Variants in DEFB126 observed in about 807,000 individuals in gnomAD.
DEFB126 encodes the protein beta-defensin 126.
Under a neutral mutation model 2.5 loss-of-function variants are expected in DEFB126, and 2 were observed. The ratio of observed to expected loss-of-function variants is 0.79; its 90% CI spans 0.32 to 2.49. The LOEUF is 2.49. Ranked by LOEUF, DEFB126 falls within the 30% of genes most tolerant of loss-of-function variation. The pLI is 0.11. For missense variants in DEFB126, 136 were observed against 135.4 expected (o/e 1.00, Z -0.02); for synonymous variants, 51 against 45.4 (o/e 1.12, Z -0.50).
Position 145,659 on chromosome 20 carries a change from G to A in DEFB126, c.303G>A (p.Ser101=), listed in dbSNP as rs776154953. 1.4e-5 allele frequency: 22 copies of A among 1,571,226 alleles called. No homozygotes were observed. The highest frequency in any genetic ancestry group is 1.7e-4 in the Middle Eastern group (1 of 5,986). The part of the protein sequence containing the change: ...TLMMTTASMS[S]MAPTPVSPTG ...TGATGACTACTGCTTCGATGTCTTC[G>A]ATGGCTCCTACCCCCGTTTCTCCCA... Residue 101 remains serine, a synonymous_variant, in exon 2 of 2, where the codon TCG becomes TCA. Coordinates refer to ENST00000382398, the MANE Select transcript of DEFB126 (RefSeq NM_030931.4).
At position 144,096 on chromosome 20, in the gene DEFB126, A is replaced by C. The variant is rs137865036; in HGVS notation, c.59-1319A>C. Among the ~76,000 whole-genome samples the C allele has an allele frequency of 8.3e-4, 127 of 152,258 alleles. 1 individual carries two copies. The highest frequency in any genetic ancestry group is 2.7e-3 in the African/African-American group (112 of 41,566). The stretch of plus-strand genomic sequence containing the variant: ...AATTGATAGTGGATAAGAGGAAATT[A>C]TAATGCTCTCATGGTTGTCTCAAAA... On this transcript the variant is annotated intron_variant, in intron 1 of 1. Transcript: ENST00000382398.
At chr20:144,207 A>G (rs187597214) in intron 1 of DEFB126, among the ~76,000 whole-genome samples, 349 of 152,214 alleles carry the variant, frequency 2.3e-3, no homozygotes, top group Non-Finnish European at 3.6e-3. Context: ...TTAGTGACAT[A>G]CATCGACATA....
intron 1 of DEFB126, among the ~76,000 whole-genome samples, 192 bp downstream of exon 1, chr20:142,878 G>A (rs1280054106): frequency 6.6e-6 from 1 of 152,168 alleles, no homozygotes; most frequent in African/African-American, 2.4e-5. Context: ...CAGGATCTGT[G>A]ATCGGAGCTG....
chr20:145,491 A>G lies in DEFB126; in HGVS notation c.135A>G (p.Val45=). Residue 45 remains valine, a synonymous_variant, in exon 2 of 2, where the codon GTA becomes GTG. Coordinates refer to ENST00000382398, the MANE Select transcript of DEFB126 (RefSeq NM_030931.4). ...KKKCKPEEMH[V]KNGWAMCGKQ... ...AGTGCAAACCTGAAGAGATGCATGT[A>G]AAGAATGGTTGGGCAATGTGCGGCA... is the stretch of plus-strand genomic sequence containing the variant. The G allele has an allele frequency of 6.2e-7, 1 of 1,612,460 alleles. No homozygotes were observed. The highest frequency in any genetic ancestry group is 8.5e-7 in the Non-Finnish European group (1 of 1,179,648).
chr20:142,938 G>T (rs1184714564), intron 1 of DEFB126, among the ~76,000 whole-genome samples: 1 of 152,106 alleles, frequency 6.6e-6, no homozygotes, highest in East Asian at 1.9e-4. Context: ...AGGTAGAAAT[G>T]ATCTTGAAAT....
At chr20:144,155 A>G (rs1408682699) in intron 1 of DEFB126, among the ~76,000 whole-genome samples, 2 of 152,100 alleles carry the variant, frequency 1.3e-5, no homozygotes, top group African/African-American at 4.8e-5. Context: ...TTGAAATTCT[A>G]TGAGTTTAAA....
intron 1 of DEFB126, among the ~76,000 whole-genome samples, chr20:143,010 G>T (rs1473996545): frequency 7.3e-5 from 11 of 151,300 alleles, no homozygotes; most frequent in African/African-American, 2.7e-4. Flanking sequence ...TTTCACTTTT[G>T]TTTTTTTTGC....
At position 142,858 on chromosome 20, in the gene DEFB126, C is replaced by T. The variant is rs142648053; in HGVS notation, c.58+172C>T. On this transcript the variant is annotated intron_variant, in intron 1 of 1. Transcript: ENST00000382398. ...CTGTTCTAAGAAACTTGAAGGCTCT[C>T]AGGATAGAGCAGGATCTGTGATCGG... is the stretch of plus-strand genomic sequence containing the variant. Among the ~76,000 whole-genome samples the T allele has an allele frequency of 9.2e-4, 140 of 152,264 alleles. 1 individual carries two copies. The highest frequency in any genetic ancestry group is 3.0e-3 in the African/African-American group (123 of 41,550).
rs750950697 is a variant in DEFB126, at chr20:142,697, T to C, written c.58+11T>C. The C allele has an allele frequency of 1.5e-5, 25 of 1,613,486 alleles. No homozygotes were observed. Among genetic ancestry groups the C allele is most frequent in the Middle Eastern group, 1.6e-4 (1 of 6,062 alleles). ...CCCAATTGGTCTCAGGTAAACAGAA[T>C]CTTGGGGAAGAAGAAACACTGGCCT... On this transcript the variant is annotated intron_variant, in intron 1 of 1. Coordinates refer to ENST00000382398, the MANE Select transcript of DEFB126 (RefSeq NM_030931.4).
At chr20:143,384 T>C (rs537012017) in intron 1 of DEFB126, among the ~76,000 whole-genome samples, 1 of 152,316 alleles carries the variant, frequency 6.6e-6, no homozygotes, top group South Asian at 2.1e-4. Flanking sequence ...CCAACTGATA[T>C]ATGAGCTTAT....
chr20:143,188 GA>G (rs889901807), intron 1 of DEFB126, among the ~76,000 whole-genome samples: 25 of 148,662 alleles, frequency 1.7e-4, no homozygotes, highest in Non-Finnish European at 2.1e-4. Flanking sequence ...AATGGAAAAT[GA>G]AAAAAAAAAT....
Position 145,457 on chromosome 20 carries a change from G to T in DEFB126, c.101G>T (p.Cys34Phe). Residue 34 changes from cysteine to phenylalanine, a missense_variant, in exon 2 of 2, where the codon TGC (cysteine) becomes TTC (phenylalanine). By Grantham distance (205) the Cys-to-Phe change is radical (BLOSUM62 -2). Transcript: ENST00000382398. Reference sequence around the variant, plus strand: ...AAGTGTCTAAACGACGTTGGAATTTGCAAGAAGAAGTGCAAACCTGAAGAG... The same window carrying T: ...AAGTGTCTAAACGACGTTGGAATTTTCAAGAAGAAGTGCAAACCTGAAGAG... ...VKKCLNDVGI[C>F]KKKCKPEEMH... The T allele has an allele frequency of 6.2e-7, 1 of 1,613,980 alleles. No homozygotes were observed. Among genetic ancestry groups the T allele is most frequent in the South Asian group, 1.1e-5 (1 of 91,062 alleles).
intron 1 of DEFB126, 131 bp from the exon 2 acceptor site, chr20:145,284 T>C (rs1364307702): frequency 1.2e-6 from 1 of 809,562 alleles, no homozygotes. Flanking sequence ...AGTAGGTATT[T>C]ATGATTAGGA....
intron 1 of DEFB126, 112 bp from the exon 2 acceptor site, chr20:145,303 C>T (rs2123017919): frequency 9.6e-7 from 1 of 1,037,900 alleles, no homozygotes; most frequent in South Asian, 1.8e-5. Context: ...GAAAAACATG[C>T]TAAAGCAACT....
At position 145,740 on chromosome 20, in the gene DEFB126, C is replaced by A. The variant is rs762037422; in HGVS notation, c.*48C>A. 2 of 1,574,760 alleles carry A rather than the reference C, an allele frequency of 1.3e-6. No homozygotes were observed. The highest frequency in any genetic ancestry group is 1.7e-6 in the Non-Finnish European group (2 of 1,164,372). On this transcript the variant is annotated 3_prime_UTR_variant, in exon 2 of 2. Coordinates refer to ENST00000382398, the MANE Select transcript of DEFB126 (RefSeq NM_030931.4). ...CTCTAGGATCCCCGACTCATTAAAG[C>A]AAAGAGGCTTATTCTGGTGTCAGTT...
At chr20:145,305 A>G in intron 1 of DEFB126, 110 bp from the exon 2 acceptor site, 1 of 1,061,424 alleles carries the variant, frequency 9.4e-7, no homozygotes, top group East Asian at 2.6e-5. Context: ...AAAACATGCT[A>G]AAGCAACTGG....
At position 145,687 on chromosome 20, in the gene DEFB126, G is replaced by A. The variant is rs1272916815; in HGVS notation, c.331G>A (p.Gly111Ser). The change falls in exon 2 of 2, where the codon GGT becomes AGT. Residue 111 changes from glycine to serine, a missense_variant. By Grantham distance (56) the Gly-to-Ser change is moderately conservative. Transcript: ENST00000382398. ...GGCTCCTACCCCCGTTTCTCCCACT[G>A]GTTGAACATTCCAGCCTCTGTCTCC... is the stretch of plus-strand genomic sequence containing the variant. ...SMAPTPVSPT[G>S] is the part of the protein sequence containing the mutation. 1.2e-6 allele frequency: 2 copies of A among 1,610,250 alleles called. No homozygotes were observed. Among genetic ancestry groups the A allele is most frequent in the Admixed American group, 3.3e-5 (2 of 59,988 alleles).
At chr20:143,771 C>T (rs6054328) in intron 1 of DEFB126, among the ~76,000 whole-genome samples, 44,094 of 151,930 alleles carry the variant, frequency 0.29, 7,927 homozygotes, top group African/African-American at 0.51. Flanking sequence ...TATTTTCAAA[C>T]ATATTGGTTG....
At chr20:142,880 T>G (rs2054653697) in intron 1 of DEFB126, among the ~76,000 whole-genome samples, 194 bp downstream of exon 1, 1 of 152,150 alleles carries the variant, frequency 6.6e-6, no homozygotes, top group African/African-American at 2.4e-5. Flanking sequence ...GGATCTGTGA[T>G]CGGAGCTGGG....
Sources: gnomAD v4.1 joint callset for allele counts (sites outside exome capture counted in the v4.1 genomes callset) on GRCh38, gnomAD v4.1.1 for gene constraint, MANE v1.5 for transcripts, NCBI Gene and HGNC (gene_info 2026-07-23, HGNC 2026-07-21) for gene names.